The following TNFSF4 variants were observed in gnomAD, a reference collection of about 807,000 sequenced individuals.
The protein encoded by TNFSF4 is tumor necrosis factor ligand superfamily member 4.
A neutral mutation model predicts 7.3 loss-of-function variants in TNFSF4; 4 were observed. The observed-to-expected ratio is 0.55, with a 90% CI of 0.27 to 1.25. TNFSF4 has a LOEUF of 1.25. TNFSF4 is among the 50% of genes most tolerant of loss of function. The probability of loss-of-function intolerance (pLI) is 0.12; values close to 1 mark genes in which losing one functional copy is unlikely to be tolerated. For missense variants in TNFSF4, 181 were observed against 208.8 expected, an observed-to-expected ratio of 0.87 and a Z score of 0.82; for synonymous variants, 76 against 83.7, an observed-to-expected ratio of 0.91 and a Z score of 0.50.
downstream of TNFSF4, among the ~76,000 whole-genome samples, chr1:173,182,638 A>G (rs1405238545): frequency 6.6e-6 from 1 of 152,246 alleles, no homozygotes; most frequent in East Asian, 1.9e-4. Context: ...ACAGGGAAAG[A>G]ACTCACTAAA....
At chr1:173,188,476 A>T (rs748898234) in intron 2 of TNFSF4, 45 bp downstream of exon 2, 27 of 1,444,464 alleles carry the variant, frequency 1.9e-5, no homozygotes, top group Non-Finnish European at 2.4e-5. Context: ...TGAAGAGAAG[A>T]TTCTTTCAAA....
At chr1:173,389,558 C>T in the TNFSF4 span, among the ~76,000 whole-genome samples, 1 of 152,080 alleles carries the variant, frequency 6.6e-6, no homozygotes, top group South Asian at 2.1e-4. Context: ...TACAAGCAAG[C>T]CTGACTTTAT....
the TNFSF4 span, among the ~76,000 whole-genome samples, chr1:173,254,455 A>G: frequency 6.6e-6 from 1 of 152,118 alleles, no homozygotes; most frequent in African/African-American, 2.4e-5. Context: ...ACTCCAGTAG[A>G]CTGGAATCTC....
the TNFSF4 span, among the ~76,000 whole-genome samples, chr1:173,413,694 G>A: frequency 2.0e-5 from 3 of 152,144 alleles, no homozygotes; most frequent in Non-Finnish European, 4.4e-5. Context: ...AAGGTGTGAC[G>A]TTTGGCCCTT....
At chr1:173,398,244 G>A in the TNFSF4 span, among the ~76,000 whole-genome samples, 2 of 151,992 alleles carry the variant, frequency 1.3e-5, no homozygotes, top group African/African-American at 4.8e-5. Flanking sequence ...TTACACTGAT[G>A]ACATTCTCTT....
At chr1:173,327,328 C>A in the TNFSF4 span, among the ~76,000 whole-genome samples, 9 of 152,136 alleles carry the variant, frequency 5.9e-5, no homozygotes, top group Admixed American at 5.9e-4. Context: ...GGATCCCTTC[C>A]TTACACCTTA....
the TNFSF4 span, among the ~76,000 whole-genome samples, chr1:173,236,407 C>T: frequency 3.2e-5 from 4 of 126,662 alleles, no homozygotes; most frequent in African/African-American, 9.3e-5. Context: ...AAGCAAGCAC[C>T]AGTTATTTCA....
the TNFSF4 span, among the ~76,000 whole-genome samples, chr1:173,386,566 A>C: frequency 2.0e-5 from 3 of 152,132 alleles, no homozygotes; most frequent in Non-Finnish European, 4.4e-5. Context: ...CACTAGGTCA[A>C]TGTCCAGAGA....
the TNFSF4 span, among the ~76,000 whole-genome samples, chr1:173,307,254 T>C: frequency 1.4e-4 from 21 of 152,094 alleles, no homozygotes; most frequent in African/African-American, 4.8e-4. Flanking sequence ...CTTTAAGTTA[T>C]ATACTATTGA....
chr1:173,434,397 G>A, the TNFSF4 span, among the ~76,000 whole-genome samples: 1 of 152,146 alleles, frequency 6.6e-6, no homozygotes, highest in Non-Finnish European at 1.5e-5. Context: ...TAGGAGACCT[G>A]GCAGAAAAGT....
At chr1:173,259,292 G>GCAA in the TNFSF4 span, among the ~76,000 whole-genome samples, 1 of 150,450 alleles carries the variant, frequency 6.6e-6, no homozygotes, top group Non-Finnish European at 1.5e-5. Flanking sequence ...CAAACAGAAA[G>GCAA]CAACAACAAC....
intron 1 of TNFSF4, among the ~76,000 whole-genome samples, chr1:173,192,086 A>C (rs1445154713): frequency 6.6e-6 from 1 of 152,212 alleles, no homozygotes; most frequent in Non-Finnish European, 1.5e-5. Context: ...CTGAAGCACA[A>C]GAATCGCTTG....
At chr1:173,442,502 T>G in the TNFSF4 span, among the ~76,000 whole-genome samples, 1 of 151,966 alleles carries the variant, frequency 6.6e-6, no homozygotes, top group African/African-American at 2.4e-5. Flanking sequence ...TCCACTCGGG[T>G]TTTTTTGTTT....
the TNFSF4 span, among the ~76,000 whole-genome samples, chr1:173,279,409 T>C: frequency 5.3e-5 from 8 of 152,210 alleles, no homozygotes; most frequent in East Asian, 1.9e-4. Context: ...TCCTCGTTCT[T>C]ATCCATGGCT....
At chr1:173,232,688 G>A in the TNFSF4 span, among the ~76,000 whole-genome samples, 1 of 152,050 alleles carries the variant, frequency 6.6e-6, no homozygotes. Context: ...AGGGCTGTTG[G>A]ATTTTGTCGA....
chr1:173,367,574 G>A, the TNFSF4 span, among the ~76,000 whole-genome samples: 3 of 152,100 alleles, frequency 2.0e-5, no homozygotes, highest in South Asian at 6.2e-4. Flanking sequence ...AGAGTCAGGG[G>A]GTTTATGGAG....
chr1:173,419,103 G>A, the TNFSF4 span, among the ~76,000 whole-genome samples: 1 of 152,214 alleles, frequency 6.6e-6, no homozygotes, highest in Admixed American at 6.5e-5. Context: ...ACTTTGGGAG[G>A]CCAAGGCGGG....
At chr1:173,424,863 C>T in the TNFSF4 span, among the ~76,000 whole-genome samples, 1 of 152,218 alleles carries the variant, frequency 6.6e-6, no homozygotes, top group Admixed American at 6.5e-5. Flanking sequence ...TACTTAAATC[C>T]TCTGAGCCTC....
At chr1:173,223,724 A>AC in the TNFSF4 span, among the ~76,000 whole-genome samples, 2 of 152,154 alleles carry the variant, frequency 1.3e-5, no homozygotes, top group African/African-American at 4.8e-5. Context: ...TATCTTAGAA[A>AC]CCTACACAAC....
Sources: gnomAD v4.1 joint callset for allele counts (sites outside exome capture counted in the v4.1 genomes callset) on GRCh38, gnomAD v4.1.1 for gene constraint, MANE v1.5 for transcripts, NCBI Gene and HGNC (gene_info 2026-07-23, HGNC 2026-07-21) for gene names.